The following DNAH7 variants were observed in gnomAD, a reference collection of about 807,000 sequenced individuals.
DNAH7 encodes axonemal beta dynein heavy chain 7.
A neutral mutation model predicts 444.6 loss-of-function variants in DNAH7; 397 were observed. The observed-to-expected ratio is 0.89, with a 90% confidence interval of 0.82 to 0.97. The LOEUF is 0.97. Ranked by LOEUF, DNAH7 falls within the 50% of genes least tolerant of loss-of-function variation. DNAH7 has a pLI of 0.00. For synonymous variants in DNAH7, 1,636 were observed against 1,624.4 expected, an observed-to-expected ratio of 1.01 and a Z score of -0.17; for missense variants, 4,902 against 4,800.8, an observed-to-expected ratio of 1.02 and a Z score of -0.62.
At chr2:195,785,943 T>C (rs984202689) in intron 58 of DNAH7, among the ~76,000 whole-genome samples, 1 of 152,208 alleles carries the variant, frequency 6.6e-6, no homozygotes, top group African/African-American at 2.4e-5. Flanking sequence ...ATTTTTTGGA[T>C]AAATGTTACT....
At chr2:195,917,983 A>G (rs1450165444) in intron 24 of DNAH7, among the ~76,000 whole-genome samples, 1 of 152,194 alleles carries the variant, frequency 6.6e-6, no homozygotes, top group Non-Finnish European at 1.5e-5. Flanking sequence ...GATAGTATTT[A>G]GACAATACAA....
chr2:195,992,393 A>C (rs527600173), intron 12 of DNAH7, among the ~76,000 whole-genome samples: 1 of 152,222 alleles, frequency 6.6e-6, no homozygotes, highest in South Asian at 2.1e-4. Flanking sequence ...CCAAACTTAC[A>C]CCCATGCACA....
chr2:195,876,835 T>C (rs993557165), intron 36 of DNAH7, 136 bp from the exon 37 acceptor site: 1 of 632,118 alleles, frequency 1.6e-6, no homozygotes, highest in East Asian at 2.9e-5. Flanking sequence ...ATGGAATCAG[T>C]AGGAATAACA....
chr2:195,756,090 C>G (rs1197218405), intron 62 of DNAH7, 43 bp downstream of exon 62: 3 of 1,541,900 alleles, frequency 1.9e-6, no homozygotes, highest in African/African-American at 2.8e-5. Flanking sequence ...GAAAATGAAA[C>G]CAGGAGAAAC....
At chr2:195,919,725 A>G (rs987025638) in intron 24 of DNAH7, among the ~76,000 whole-genome samples, 4 of 152,202 alleles carry the variant, frequency 2.6e-5, no homozygotes, top group African/African-American at 9.6e-5. Context: ...CTGTGTGCCT[A>G]CATGTGAAGA....
At chr2:195,917,674 T>C (rs1238356810) in intron 24 of DNAH7, among the ~76,000 whole-genome samples, 9 of 152,154 alleles carry the variant, frequency 5.9e-5, no homozygotes, top group Admixed American at 5.9e-4. Flanking sequence ...GGAATTGAGG[T>C]TGCTTCAGAC....
intron 49 of DNAH7, among the ~76,000 whole-genome samples, chr2:195,820,464 A>T (rs576089954): frequency 2.9e-5 from 4 of 136,902 alleles, no homozygotes; most frequent in East Asian, 2.1e-4. Flanking sequence ...AAGTAAAATT[A>T]AAAAAAAAAA....
At chr2:195,970,382 T>C (rs959856719) in intron 16 of DNAH7, among the ~76,000 whole-genome samples, 3 of 152,210 alleles carry the variant, frequency 2.0e-5, no homozygotes, top group Non-Finnish European at 4.4e-5. Context: ...AATGGTGATC[T>C]TTAATATGCT....
chr2:195,803,824 A>G (rs185449397), intron 54 of DNAH7, among the ~76,000 whole-genome samples: 4 of 152,366 alleles, frequency 2.6e-5, no homozygotes, highest in Admixed American at 2.6e-4. Flanking sequence ...GAAGCTCTTC[A>G]TTTTGTAAAT....
chr2:195,923,449 A>G (rs1688142429), intron 23 of DNAH7, 146 bp downstream of exon 23: 5 of 691,718 alleles, frequency 7.2e-6, no homozygotes, highest in Non-Finnish European at 1.2e-5. Flanking sequence ...AATCTTCAAT[A>G]TAAAGAAATG....
chr2:195,738,412 TAAAA>T (rs10657533), intron 64 of DNAH7, among the ~76,000 whole-genome samples: 1 of 150,272 alleles, frequency 6.7e-6, no homozygotes, highest in Non-Finnish European at 1.5e-5. Context: ...CTTACAATGA[TAAAA>T]AAAAAATCAG....
intron 54 of DNAH7, among the ~76,000 whole-genome samples, chr2:195,805,009 C>T (rs1160571807): frequency 1.3e-5 from 2 of 152,144 alleles, no homozygotes; most frequent in African/African-American, 4.8e-5. Flanking sequence ...ACAAACCAAC[C>T]TGTCCCCCAC....
chr2:195,966,822 G>GGTGTGACTT (rs1278953496), intron 17 of DNAH7, among the ~76,000 whole-genome samples: 1 of 151,902 alleles, frequency 6.6e-6, no homozygotes, highest in Non-Finnish European at 1.5e-5. Context: ...TTTATTTTCA[G>GGTGTGACTT]TCTATGTGTG....
chr2:195,912,390 G>A (rs754037821), intron 24 of DNAH7, among the ~76,000 whole-genome samples: 2 of 152,216 alleles, frequency 1.3e-5, no homozygotes, highest in African/African-American at 2.4e-5. Flanking sequence ...AAAAGAAACA[G>A]AGAGATGTGT....
intron 62 of DNAH7, 108 bp from the exon 63 acceptor site, chr2:195,754,622 C>T: frequency 1.9e-6 from 2 of 1,050,238 alleles, no homozygotes; most frequent in Non-Finnish European, 2.7e-6. Context: ...GTGATCCTCT[C>T]ACCTCAGCCT....
intron 5 of DNAH7, among the ~76,000 whole-genome samples, chr2:196,041,341 A>G (rs1362267271): frequency 6.6e-6 from 1 of 152,164 alleles, no homozygotes; most frequent in African/African-American, 2.4e-5. Flanking sequence ...CCAAAACAGC[A>G]TAATGCTGAT....
At chr2:195,778,677 C>CATATATATAT (rs1695215091) in intron 58 of DNAH7, among the ~76,000 whole-genome samples, 2 of 76,956 alleles carry the variant, frequency 2.6e-5, no homozygotes, top group African/African-American at 1.5e-4. Context: ...TATACACACA[C>CATATATATAT]ACACATATAT....
intron 48 of DNAH7, among the ~76,000 whole-genome samples, chr2:195,825,607 C>T (rs564568089): frequency 7.0e-4 from 106 of 152,216 alleles, no homozygotes; most frequent in African/African-American, 2.4e-3. Context: ...GAATATTTTC[C>T]TCTGATAGCA....
At chr2:196,055,817 C>T (rs1697764471) in intron 2 of DNAH7, among the ~76,000 whole-genome samples, 1 of 152,152 alleles carries the variant, frequency 6.6e-6, no homozygotes, top group Admixed American at 6.5e-5. Flanking sequence ...TAACCCAAGC[C>T]TCCTATACAA....
Sources: allele counts gnomAD v4.1 joint callset (sites outside exome capture counted in the v4.1 genomes callset), GRCh38; gene constraint gnomAD v4.1.1; transcripts MANE v1.5; gene names NCBI Gene and HGNC (gene_info 2026-07-23, HGNC 2026-07-21).